LSM12: variants seen among roughly 807,000 people sequenced by gnomAD.
The protein encoded by LSM12 is LSM12 homolog, also known as protein LSM12.
For missense variants in LSM12, 108 were observed against 238.9 expected, an observed-to-expected ratio of 0.45 and a Z score of 3.61; for synonymous variants, 74 against 87.3, an observed-to-expected ratio of 0.85 and a Z score of 0.85.
chr17:44,040,211 C>T lies in LSM12; in HGVS notation c.304G>A (p.Ala102Thr). Residue 102 changes from alanine (A) to threonine (T), a missense_variant, in exon 3 of 5, where the codon GCC becomes ACC. Coordinates refer to ENST00000293406, the MANE Select transcript of LSM12 (RefSeq NM_001371445.1). ...GAGACACCAGCACTGATTGCATAGGCCTGGCTCAGCTTCTCCTCCTTCTCT... is the reference window on the plus strand; with the variant it reads ...GAGACACCAGCACTGATTGCATAGGTCTGGCTCAGCTTCTCCTCCTTCTCT... The part of the protein sequence containing the change: ...RTEKEEKLSQ[A>T]YAISAGVSLE... 1 of 1,614,046 alleles carries T rather than the reference C, an allele frequency of 6.2e-7. No homozygotes were observed. Among genetic ancestry groups the T allele is most frequent in the Non-Finnish European group, 8.5e-7 (1 of 1,179,932 alleles).
intron 2 of LSM12, among the ~76,000 whole-genome samples, chr17:44,050,531 G>C (rs1042274658): frequency 7.6e-6 from 1 of 131,978 alleles, no homozygotes; most frequent in Non-Finnish European, 1.6e-5. Context: ...TTTTTTTTTT[G>C]AGATGGAGTC....
chr17:44,060,918 A>G (rs1011906480), intron 2 of LSM12, among the ~76,000 whole-genome samples: 1 of 147,220 alleles, frequency 6.8e-6, no homozygotes, highest in Non-Finnish European at 1.5e-5. Flanking sequence ...ACTTCAGAAA[A>G]TCACCTCTCT....
intron 2 of LSM12, among the ~76,000 whole-genome samples, chr17:44,052,746 C>T (rs992187476): frequency 4.6e-5 from 7 of 150,542 alleles, no homozygotes; most frequent in Admixed American, 1.3e-4. Context: ...GCAACAAGAG[C>T]GAAACTCTGT....
At chr17:44,066,296 C>T (rs538327718) in intron 1 of LSM12, among the ~76,000 whole-genome samples, 168 bp downstream of exon 1, 3 of 152,160 alleles carry the variant, frequency 2.0e-5, no homozygotes, top group Non-Finnish European at 4.4e-5. Context: ...CCGAAGGGCC[C>T]GCGGGAGGGG....
At chr17:44,064,890 C>A (rs987791974) in intron 1 of LSM12, among the ~76,000 whole-genome samples, 1 of 151,878 alleles carries the variant, frequency 6.6e-6, no homozygotes, top group Admixed American at 6.6e-5. Flanking sequence ...TCCCAGCACT[C>A]TGGGAGGCCG....
chr17:44,045,503 G>A (rs1417354337), intron 2 of LSM12, among the ~76,000 whole-genome samples: 1 of 152,170 alleles, frequency 6.6e-6, no homozygotes, highest in Non-Finnish European at 1.5e-5. Context: ...TGAGGATACA[G>A]TTCTACCTTT....
intron 2 of LSM12, among the ~76,000 whole-genome samples, chr17:44,052,759 TA>T (rs948606761): frequency 1.3e-5 from 2 of 150,432 alleles, no homozygotes; most frequent in Non-Finnish European, 1.5e-5. Flanking sequence ...AACTCTGTCT[TA>T]AAAAAAATAT....
At chr17:44,052,136 G>A (rs1317732666) in intron 2 of LSM12, among the ~76,000 whole-genome samples, 1 of 151,680 alleles carries the variant, frequency 6.6e-6, no homozygotes, top group African/African-American at 2.4e-5. Flanking sequence ...AAATTAGCCA[G>A]GCACGGTGGT....
intron 2 of LSM12, among the ~76,000 whole-genome samples, chr17:44,060,028 G>A (rs1198600640): frequency 1.3e-5 from 2 of 152,132 alleles, no homozygotes; most frequent in Non-Finnish European, 2.9e-5. Flanking sequence ...AGCCGGACAT[G>A]GTGGCGGGCG....
chr17:44,039,956 G>A (rs2049466486), intron 3 of LSM12, among the ~76,000 whole-genome samples, 191 bp downstream of exon 3: 2 of 152,156 alleles, frequency 1.3e-5, no homozygotes, highest in African/African-American at 2.4e-5. Flanking sequence ...CAACTTGTCC[G>A]TGATTACACT....
At chr17:44,048,985 T>C (rs927525516) in intron 2 of LSM12, among the ~76,000 whole-genome samples, 1 of 151,764 alleles carries the variant, frequency 6.6e-6, no homozygotes, top group African/African-American at 2.4e-5. Flanking sequence ...AGGCCAGGAG[T>C]TCAGACTAGC....
intron 2 of LSM12, among the ~76,000 whole-genome samples, chr17:44,052,535 G>A (rs1731724695): frequency 6.6e-6 from 1 of 152,004 alleles, no homozygotes; most frequent in Admixed American, 6.6e-5. Flanking sequence ...GAGGCAGGCG[G>A]ATCATGTGAG....
chr17:44,053,017 T>C (rs963300140), intron 2 of LSM12, among the ~76,000 whole-genome samples: 2 of 152,246 alleles, frequency 1.3e-5, no homozygotes, highest in Middle Eastern at 3.4e-3. Context: ...CAGAAAAGCA[T>C]CAAGTTCTAA....
intron 3 of LSM12, 65 bp downstream of exon 3, chr17:44,040,082 G>A: frequency 7.9e-7 from 1 of 1,270,454 alleles, no homozygotes; most frequent in Non-Finnish European, 1.1e-6. Context: ...CCAAAAGCCT[G>A]CCACCAGACA....
intron 2 of LSM12, among the ~76,000 whole-genome samples, chr17:44,046,446 G>A (rs1030096287): frequency 6.6e-6 from 1 of 151,288 alleles, no homozygotes; most frequent in Admixed American, 6.6e-5. Flanking sequence ...AGTGGCTCAC[G>A]CCTGCAATCC....
At chr17:44,044,805 A>C (rs894843383) in intron 2 of LSM12, among the ~76,000 whole-genome samples, 36 of 152,172 alleles carry the variant, frequency 2.4e-4, no homozygotes, top group African/African-American at 8.2e-4. Context: ...TTGTAAAGCA[A>C]ACGATTATCA....
intron 3 of LSM12, among the ~76,000 whole-genome samples, chr17:44,038,228 T>C (rs2049440497): frequency 6.6e-6 from 1 of 151,560 alleles, no homozygotes; most frequent in Non-Finnish European, 1.5e-5. Context: ...GTGGCATGCG[T>C]CTGTAGTCCC....
chr17:44,040,756 C>T (rs867809059), intron 2 of LSM12, among the ~76,000 whole-genome samples: 2 of 150,122 alleles, frequency 1.3e-5, no homozygotes, highest in Admixed American at 6.7e-5. Flanking sequence ...AGGTGGATCA[C>T]GAGGTCAGGA....
At chr17:44,038,828 T>C (rs2049449463) in intron 3 of LSM12, among the ~76,000 whole-genome samples, 1 of 152,240 alleles carries the variant, frequency 6.6e-6, no homozygotes, top group Non-Finnish European at 1.5e-5. Context: ...CCAGGGCAGC[T>C]GATGCGACTG....
Sources: gnomAD v4.1 joint callset for allele counts (sites outside exome capture counted in the v4.1 genomes callset) on GRCh38, gnomAD v4.1.1 for gene constraint, MANE v1.5 for transcripts, NCBI Gene and HGNC (gene_info 2026-07-23, HGNC 2026-07-21) for gene names.